The following CAST variants were observed in gnomAD, a reference collection of about 807,000 sequenced individuals.
CAST encodes the protein calpastatin, also known as MIR583 host.
A neutral mutation model predicts 119.6 loss-of-function variants in CAST; 76 were observed. The observed-to-expected ratio is 0.64, with a 90% CI of 0.53 to 0.77. CAST has a LOEUF of 0.77. Ranked by LOEUF, CAST falls within the 30% of genes least tolerant of loss-of-function variation. CAST has a pLI of 0.00. For missense variants in CAST, 953 were observed against 946.5 expected (o/e 1.01, Z -0.09); for synonymous variants, 319 against 331.6 (o/e 0.96, Z 0.41).
chr5:96,248,525 G>A, the CAST span, among the ~76,000 whole-genome samples: 1 of 152,170 alleles, frequency 6.6e-6, no homozygotes, highest in African/African-American at 2.4e-5. Flanking sequence ...GGAATAAGTG[G>A]CAAGATGGGA....
chr5:96,266,073 C>T, the CAST span, among the ~76,000 whole-genome samples: 1 of 152,162 alleles, frequency 6.6e-6, no homozygotes, highest in Admixed American at 6.6e-5. Flanking sequence ...GCTGGCTTCA[C>T]TTCTTCCCAT....
the CAST span, among the ~76,000 whole-genome samples, chr5:95,973,832 G>T: frequency 1.3e-5 from 2 of 152,076 alleles, no homozygotes; most frequent in Admixed American, 6.6e-5. Flanking sequence ...CAAGCAAATG[G>T]ATTATTTCTC....
At chr5:96,299,268 AACAAC>A in the CAST span, among the ~76,000 whole-genome samples, 1 of 149,486 alleles carries the variant, frequency 6.7e-6, no homozygotes, top group South Asian at 2.1e-4. Context: ...CAACAACAAC[AACAAC>A]AACAACAACA....
intron 1 of CAST, among the ~76,000 whole-genome samples, chr5:96,634,882 T>C (rs1324047198): frequency 1.3e-5 from 2 of 152,220 alleles, no homozygotes; most frequent in East Asian, 3.8e-4. Flanking sequence ...ATTTGGGAGA[T>C]TCAGAAGAGC....
chr5:96,362,623 A>G, the CAST span, among the ~76,000 whole-genome samples: 12 of 152,320 alleles, frequency 7.9e-5, no homozygotes, highest in African/African-American at 2.9e-4. Flanking sequence ...TTGGCTGCAT[A>G]AATGTCTTCT....
At chr5:96,177,521 A>G in the CAST span, among the ~76,000 whole-genome samples, 2 of 152,190 alleles carry the variant, frequency 1.3e-5, no homozygotes, top group African/African-American at 4.8e-5. Flanking sequence ...TTTTGCTCAT[A>G]TAGCAAGCTG....
chr5:96,347,420 C>T, the CAST span, among the ~76,000 whole-genome samples: 1 of 152,182 alleles, frequency 6.6e-6, no homozygotes, highest in Admixed American at 6.6e-5. Flanking sequence ...TCTCTTCACA[C>T]AAAGTGGATG....
chr5:96,170,314 C>T, the CAST span, among the ~76,000 whole-genome samples: 1 of 152,300 alleles, frequency 6.6e-6, no homozygotes, highest in East Asian at 1.9e-4. Context: ...TTCCTTGGCC[C>T]AGTGGCCAGA....
chr5:96,514,101 A>G, the CAST span, among the ~76,000 whole-genome samples: 1 of 152,214 alleles, frequency 6.6e-6, no homozygotes, highest in Non-Finnish European at 1.5e-5. Flanking sequence ...GTATGACCTC[A>G]TCTTAATAAC....
At chr5:96,379,348 A>G in the CAST span, among the ~76,000 whole-genome samples, 1 of 152,202 alleles carries the variant, frequency 6.6e-6, no homozygotes, top group Non-Finnish European at 1.5e-5. Flanking sequence ...CTTGTTTTAT[A>G]AATGAGAATG....
At chr5:96,171,042 A>G in the CAST span, among the ~76,000 whole-genome samples, 43 of 152,134 alleles carry the variant, frequency 2.8e-4, no homozygotes, top group African/African-American at 9.6e-4. Context: ...TGGGGTTGGG[A>G]CTGAGGGGAC....
the CAST span, among the ~76,000 whole-genome samples, chr5:96,285,550 C>A: frequency 6.6e-6 from 1 of 152,150 alleles, no homozygotes; most frequent in Non-Finnish European, 1.5e-5. Flanking sequence ...CATAAGTCCT[C>A]ATATTGGCAT....
intron 1 of CAST, among the ~76,000 whole-genome samples, chr5:96,591,409 G>T (rs958356231): frequency 2.0e-5 from 3 of 152,206 alleles, no homozygotes; most frequent in Non-Finnish European, 4.4e-5. Context: ...TAGTTACAAT[G>T]ATCTGATTAG....
chr5:96,512,893 G>GA, the CAST span, among the ~76,000 whole-genome samples: 1 of 152,122 alleles, frequency 6.6e-6, no homozygotes, highest in African/African-American at 2.4e-5. Flanking sequence ...GTTTTGTTCT[G>GA]AAAACATGTA....
At chr5:95,972,861 G>A in the CAST span, among the ~76,000 whole-genome samples, 2 of 152,016 alleles carry the variant, frequency 1.3e-5, no homozygotes, top group Non-Finnish European at 2.9e-5. Context: ...TTAAGTTTAT[G>A]GCCCATTTCA....
the CAST span, among the ~76,000 whole-genome samples, chr5:96,238,092 T>C: frequency 2.6e-5 from 4 of 151,930 alleles, no homozygotes; most frequent in Non-Finnish European, 5.9e-5. Context: ...TTCAGAAAAA[T>C]AGAAACAAGA....
At chr5:96,110,058 C>T in the CAST span, among the ~76,000 whole-genome samples, 2 of 151,930 alleles carry the variant, frequency 1.3e-5, no homozygotes, top group Non-Finnish European at 2.9e-5. Context: ...TTGCCAAGGC[C>T]CCTAGAATAA....
intron 29 of CAST, among the ~76,000 whole-genome samples, 184 bp downstream of exon 29, chr5:96,768,183 A>C (rs1423194610): frequency 1.3e-5 from 2 of 152,170 alleles, no homozygotes; most frequent in Non-Finnish European, 2.9e-5. Context: ...TCCTGGGCTC[A>C]AGCAATCCTC....
At chr5:96,524,970 A>C (rs1745575568), upstream of CAST, among the ~76,000 whole-genome samples, 1 of 152,172 alleles carries the variant, frequency 6.6e-6, no homozygotes, top group East Asian at 1.9e-4. Context: ...AGTGGGAATG[A>C]TATTGATTAC....
Sources: gnomAD v4.1 joint callset for allele counts (sites outside exome capture counted in the v4.1 genomes callset) on GRCh38, gnomAD v4.1.1 for gene constraint, MANE v1.5 for transcripts, NCBI Gene and HGNC (gene_info 2026-07-23, HGNC 2026-07-21) for gene names.